The following SLC35D4 variants were observed in gnomAD, a reference collection of about 807,000 sequenced individuals.
SLC35D4 encodes UDP-N-acetylglucosamine transporter SLC35D4.
At chr18:23,289,650 A>G in the SLC35D4 span, among the ~76,000 whole-genome samples, 1 of 152,200 alleles carries the variant, frequency 6.6e-6, no homozygotes, top group Non-Finnish European at 1.5e-5. Context: ...GAAGACAGGA[A>G]TGCCAGGCCT....
chr18:23,243,457 G>A, the SLC35D4 span, among the ~76,000 whole-genome samples: 619 of 147,672 alleles, frequency 4.2e-3, 2 homozygotes, highest in Non-Finnish European at 7.1e-3. Context: ...TGTTTTGGGT[G>A]TGGGTTTGGT....
the SLC35D4 span, among the ~76,000 whole-genome samples, chr18:23,418,349 A>AATAATT: frequency 4.3e-4 from 61 of 142,584 alleles, no homozygotes; most frequent in African/African-American, 1.5e-3. Context: ...GAGAAGCCAA[A>AATAATT]ATTATTATTA....
the SLC35D4 span, among the ~76,000 whole-genome samples, chr18:23,418,778 C>T: frequency 4.0e-5 from 6 of 151,812 alleles, no homozygotes; most frequent in African/African-American, 9.7e-5. Flanking sequence ...GAGGCCGAAG[C>T]GGGTGGATCA....
At chr18:23,312,607 T>C in the SLC35D4 span, among the ~76,000 whole-genome samples, 2 of 152,220 alleles carry the variant, frequency 1.3e-5, no homozygotes, top group Admixed American at 1.3e-4. Context: ...ATTTTTAATC[T>C]ATTCGGTACA....
the SLC35D4 span, among the ~76,000 whole-genome samples, chr18:23,412,263 G>A: frequency 6.6e-6 from 1 of 152,190 alleles, no homozygotes; most frequent in Non-Finnish European, 1.5e-5. Context: ...AGGTTGCAGA[G>A]CCAAGATCAT....
the SLC35D4 span, chr18:23,259,641 CATG>C: frequency 6.6e-6 from 1 of 152,224 alleles, no homozygotes; most frequent in Admixed American, 6.5e-5. Flanking sequence ...ACGTCCATGA[CATG>C]AGCTTTTCGG....
the SLC35D4 span, among the ~76,000 whole-genome samples, chr18:23,384,371 AAAAG>A: frequency 2.0e-5 from 3 of 152,336 alleles, no homozygotes; most frequent in East Asian, 3.9e-4. Flanking sequence ...AAAAACTCCA[AAAAG>A]AAAGACCAAT....
the SLC35D4 span, among the ~76,000 whole-genome samples, chr18:23,372,080 C>T: frequency 3.4e-5 from 5 of 146,984 alleles, no homozygotes; most frequent in Admixed American, 6.8e-5. Context: ...GGACTACAGG[C>T]GCCCGCCACT....
the SLC35D4 span, among the ~76,000 whole-genome samples, chr18:23,368,362 G>A: frequency 6.6e-6 from 1 of 152,228 alleles, no homozygotes; most frequent in Non-Finnish European, 1.5e-5. Context: ...TTGGGAAGAT[G>A]GACCCAAGGA....
the SLC35D4 span, among the ~76,000 whole-genome samples, chr18:23,371,945 T>TTTTTTTTTTTTTG: frequency 1.4e-5 from 1 of 73,346 alleles, no homozygotes; most frequent in African/African-American, 5.9e-5. Context: ...GTTTTTTTTT[T>TTTTTTTTTTTTTG]TTTTTTTTGA....
the SLC35D4 span, among the ~76,000 whole-genome samples, chr18:23,263,564 TCCA>T: frequency 1.3e-5 from 2 of 152,360 alleles, no homozygotes; most frequent in East Asian, 3.9e-4. Flanking sequence ...AGTGTTCACG[TCCA>T]CCAACATTTC....
the SLC35D4 span, among the ~76,000 whole-genome samples, chr18:23,396,263 C>T: frequency 1.3e-5 from 2 of 152,128 alleles, no homozygotes; most frequent in South Asian, 2.1e-4. Context: ...AGAGCTACCC[C>T]GAAAGTGTTT....
At chr18:23,373,697 T>C in the SLC35D4 span, 2 of 1,613,058 alleles carry the variant, frequency 1.2e-6, no homozygotes, top group Non-Finnish European at 1.7e-6. Flanking sequence ...GGCAAATGAG[T>C]TCACTTGGAC....
chr18:23,280,713 A>C, the SLC35D4 span, among the ~76,000 whole-genome samples: 1 of 152,206 alleles, frequency 6.6e-6, no homozygotes, highest in Non-Finnish European at 1.5e-5. Context: ...TCCCCAAAGC[A>C]CAGGCCACAG....
the SLC35D4 span, among the ~76,000 whole-genome samples, chr18:23,375,965 C>T: frequency 1.3e-5 from 2 of 152,146 alleles, no homozygotes; most frequent in Admixed American, 6.5e-5. Flanking sequence ...AAGAAGGCGC[C>T]AGAAAGCATA....
At chr18:23,309,657 A>C in the SLC35D4 span, 10 of 1,610,736 alleles carry the variant, frequency 6.2e-6, no homozygotes, top group African/African-American at 5.3e-5. Context: ...TTGGCACTTT[A>C]TCTCTCTATG....
At chr18:23,253,559 A>G in the SLC35D4 span, among the ~76,000 whole-genome samples, 3 of 152,206 alleles carry the variant, frequency 2.0e-5, no homozygotes, top group African/African-American at 7.2e-5. Flanking sequence ...AGCTATGTAA[A>G]TCTGCTCCCC....
the SLC35D4 span, among the ~76,000 whole-genome samples, chr18:23,308,331 C>T: frequency 6.6e-6 from 1 of 152,144 alleles, no homozygotes; most frequent in Admixed American, 6.5e-5. Context: ...GGCGAACGAT[C>T]TATTCCTGTA....
At chr18:23,327,901 T>C in the SLC35D4 span, among the ~76,000 whole-genome samples, 4 of 152,180 alleles carry the variant, frequency 2.6e-5, no homozygotes, top group African/African-American at 9.7e-5. Flanking sequence ...TGATTCAACA[T>C]ACGCAAATCA....
Sources: gnomAD v4.1 joint callset for allele counts (sites outside exome capture counted in the v4.1 genomes callset) on GRCh38, gnomAD v4.1.1 for gene constraint, MANE v1.5 for transcripts, NCBI Gene and HGNC (gene_info 2026-07-23, HGNC 2026-07-21) for gene names.